The following UNC13B variants were observed in gnomAD, a reference collection of about 807,000 sequenced individuals.
UNC13B encodes protein unc-13 homolog B.
In UNC13B, 144 loss-of-function variants were observed where a neutral mutation model predicts 211.0. That is an observed-to-expected ratio of 0.68 (90% CI 0.60 to 0.78). The LOEUF (loss-of-function observed/expected upper bound fraction) is 0.78, where lower values mean the gene tolerates loss of function less well. Among genes scored for constraint, UNC13B ranks in the 30% least tolerant of loss-of-function variants. The pLI is 0.00. For missense variants in UNC13B, 1,777 were observed against 2,002.0 expected, an observed-to-expected ratio of 0.89 and a Z score of 2.14; for synonymous variants, 709 against 725.8, an observed-to-expected ratio of 0.98 and a Z score of 0.37.
intron 7 of UNC13B, among the ~76,000 whole-genome samples, chr9:35,269,411 G>C (rs537029724): frequency 6.6e-6 from 1 of 152,158 alleles, no homozygotes; most frequent in African/African-American, 2.4e-5. Context: ...CTCTCCCTGT[G>C]GGTGCATTTT....
chr9:35,365,769 C>A (rs1833732503), intron 11 of UNC13B, among the ~76,000 whole-genome samples: 1 of 152,170 alleles, frequency 6.6e-6, no homozygotes, highest in African/African-American at 2.4e-5. Context: ...TATCATCCTA[C>A]CTATAGAAAG....
intron 11 of UNC13B, among the ~76,000 whole-genome samples, chr9:35,359,157 G>C (rs1391426564): frequency 6.6e-6 from 1 of 152,128 alleles, no homozygotes; most frequent in African/African-American, 2.4e-5. Flanking sequence ...GACCATAAAT[G>C]TAAGAGTTTA....
intron 32 of UNC13B, 85 bp downstream of exon 32, chr9:35,398,727 T>C: frequency 6.4e-7 from 1 of 1,560,336 alleles, no homozygotes; most frequent in Admixed American, 1.7e-5. Context: ...CCTCTCCATA[T>C]AGCTGCAGGT....
chr9:35,203,911 A>C (rs1823481519), intron 1 of UNC13B, among the ~76,000 whole-genome samples: 1 of 152,346 alleles, frequency 6.6e-6, no homozygotes, highest in Middle Eastern at 3.4e-3. Context: ...TTTTCAAGAC[A>C]ACGAGGAAAA....
rs913187593 is a variant in UNC13B at position 35,307,877 on chromosome 9, G to T, written c.8473G>T (p.Gly2825Trp). The T allele has an allele frequency of 2.5e-6, 1 of 398,880 alleles. No homozygotes were observed. Among genetic ancestry groups the T allele is most frequent in the Non-Finnish European group, 4.4e-6 (1 of 226,094 alleles). The allele number at this position is 398,880 out of a possible 1,614,324, so 24.7% of individuals were successfully genotyped here. The change falls in exon 9 of 40, where the codon GGG (glycine) becomes TGG (tryptophan). Residue 2825 changes from glycine (G) to tryptophan (W), a missense_variant. Transcript: ENST00000635942. Reference protein sequence around the residue: ...TLFEGSSEGKGSVLASDSKLG... With the variant: ...TLFEGSSEGKWSVLASDSKLG... ...ATTTGAGGGAAGTAGTGAGGGGAAA[G>T]GGAGTGTATTAGCAAGTGATTCAAA...
intron 1 of UNC13B, among the ~76,000 whole-genome samples, chr9:35,204,368 A>C (rs1317136638): frequency 1.3e-5 from 2 of 152,234 alleles, no homozygotes; most frequent in African/African-American, 4.8e-5. Context: ...ACACTGGGGC[A>C]CTGCCTAGTG....
chr9:35,265,336 T>C (rs1467703453), intron 7 of UNC13B, among the ~76,000 whole-genome samples: 2 of 152,194 alleles, frequency 1.3e-5, no homozygotes, highest in Non-Finnish European at 2.9e-5. Flanking sequence ...GCTTGCTCTC[T>C]CCACCATGTG....
At chr9:35,260,195 G>A (rs1160829607) in intron 7 of UNC13B, among the ~76,000 whole-genome samples, 1 of 142,282 alleles carries the variant, frequency 7.0e-6, no homozygotes, top group Non-Finnish European at 1.5e-5. Context: ...GGGCAACAGA[G>A]CAAGACCCTG....
At chr9:35,166,217 A>G (rs1005907215) in intron 1 of UNC13B, among the ~76,000 whole-genome samples, 3 of 152,042 alleles carry the variant, frequency 2.0e-5, no homozygotes, top group Non-Finnish European at 2.9e-5. Flanking sequence ...CCCCATCTCT[A>G]CTAAAAATAC....
rs1443424995 is a variant in UNC13B, at chr9:35,303,087, C to T, written c.3683C>T (p.Thr1228Ile). ...TTATCCTTGGATGAGGTCCCTGCTA[C>T]TTCATGTGTGACTTCTGAGAACCCG... ...NHLSLDEVPA[T>I]SCVTSENPKN... The change falls in exon 9 of 40, where the codon ACT (threonine) becomes ATT (isoleucine). Residue 1228 changes from threonine to isoleucine, a missense_variant. Thr to Ile is a moderately conservative substitution (Grantham distance 89, BLOSUM62 -1). Coordinates refer to ENST00000635942, the MANE Select transcript of UNC13B (RefSeq NM_001371189.2). 7.5e-6 allele frequency: 3 copies of T among 398,640 alleles called. No individual in the cohort carries two copies. The highest frequency in any genetic ancestry group is 4.4e-6 in the Non-Finnish European group (1 of 225,824). 24.7% of individuals were successfully genotyped at this position (398,640 alleles called of 1,614,324 possible).
At chr9:35,340,388 A>G (rs1001334371) in intron 11 of UNC13B, among the ~76,000 whole-genome samples, 4 of 152,204 alleles carry the variant, frequency 2.6e-5, no homozygotes, top group African/African-American at 9.6e-5. Context: ...AGGGAGGCAC[A>G]TGTTGGCTCT....
chr9:35,201,662 C>A (rs1823299514), intron 1 of UNC13B, among the ~76,000 whole-genome samples: 1 of 152,212 alleles, frequency 6.6e-6, no homozygotes, highest in Non-Finnish European at 1.5e-5. Context: ...GTTTGTATTT[C>A]TGTGGGATCG....
intron 22 of UNC13B, 125 bp from the exon 23 acceptor site, chr9:35,385,599 G>T: frequency 7.0e-7 from 1 of 1,420,946 alleles, no homozygotes; most frequent in Non-Finnish European, 9.2e-7. Context: ...CAGTGTTTTT[G>T]GCCAGCTCAA....
At chr9:35,335,716 G>A (rs1455191990) in intron 11 of UNC13B, among the ~76,000 whole-genome samples, 3 of 145,526 alleles carry the variant, frequency 2.1e-5, no homozygotes, top group Non-Finnish European at 4.5e-5. Context: ...TTTTAAAGGG[G>A]TCTTGGTCTG....
Position 35,162,227 on chromosome 9 carries a change from A to G in UNC13B, c.-57A>G. On this transcript the variant is annotated 5_prime_UTR_variant, in exon 1 of 40. Coordinates refer to ENST00000635942, the MANE Select transcript of UNC13B (RefSeq NM_001371189.2). ...GCAGTCGCGGCACCTGCTGAGAGGA[A>G]AGAGGGAGCGGTCCGGCGCGGCTGG... is the stretch of plus-strand genomic sequence containing the variant. 2 of 1,541,830 alleles carry G rather than the reference A, an allele frequency of 1.3e-6. No individual in the cohort carries two copies. Among genetic ancestry groups the G allele is most frequent in the Admixed American group, 3.9e-5 (2 of 50,980 alleles).
At chr9:35,378,559 G>A (rs543049927) in intron 17 of UNC13B, 123 bp downstream of exon 17, 11 of 1,276,546 alleles carry the variant, frequency 8.6e-6, no homozygotes, top group African/African-American at 1.5e-5. Context: ...CTCATTTCTC[G>A]CATGCTTCGT....
chr9:35,202,948 G>A (rs1404224740), intron 1 of UNC13B, among the ~76,000 whole-genome samples: 12 of 151,898 alleles, frequency 7.9e-5, no homozygotes, highest in Admixed American at 2.6e-4. Flanking sequence ...GCCTGCCAAC[G>A]TGCCCGGCTA....
intron 1 of UNC13B, among the ~76,000 whole-genome samples, chr9:35,217,243 A>G (rs1005482686): frequency 5.3e-5 from 8 of 152,194 alleles, no homozygotes; most frequent in Admixed American, 2.0e-4. Context: ...CCTCTCTACT[A>G]TTTTTGCAAC....
At chr9:35,242,165 A>G (rs1825847184) in intron 5 of UNC13B, among the ~76,000 whole-genome samples, 1 of 152,182 alleles carries the variant, frequency 6.6e-6, no homozygotes, top group South Asian at 2.1e-4. Flanking sequence ...CCATTATACC[A>G]TTATTTTTTA....
Sources: allele counts gnomAD v4.1 joint callset (sites outside exome capture counted in the v4.1 genomes callset), GRCh38; gene constraint gnomAD v4.1.1; transcripts MANE v1.5; gene names NCBI Gene and HGNC (gene_info 2026-07-23, HGNC 2026-07-21).